COL21A1: variants seen among roughly 807,000 people sequenced by gnomAD.
COL21A1 encodes collagen alpha-1(XXI) chain.
COL21A1 carries 149 observed loss-of-function variants against 137.9 expected under a neutral mutation model. The ratio of observed to expected loss-of-function variants is 1.08; its 90% confidence interval spans 0.95 to 1.24. COL21A1 has a LOEUF of 1.24. Ranked by LOEUF, COL21A1 falls within the 50% of genes most tolerant of loss-of-function variation. The probability of loss-of-function intolerance (pLI) is 0.00; values close to 1 mark genes in which losing one functional copy is unlikely to be tolerated. For missense variants in COL21A1, 1,167 were observed against 1,158.4 expected (o/e 1.01, Z -0.11); for synonymous variants, 456 against 391.5 (o/e 1.16, Z -1.95).
intron 1 of COL21A1, among the ~76,000 whole-genome samples, chr6:56,288,260 A>C (rs565416933): frequency 6.6e-6 from 1 of 152,190 alleles, no homozygotes; most frequent in East Asian, 1.9e-4. Context: ...AAAAGAAAAA[A>C]AAAAGGAAAT....
chr6:56,257,857 T>C (rs1763143510), intron 1 of COL21A1, among the ~76,000 whole-genome samples: 1 of 152,178 alleles, frequency 6.6e-6, no homozygotes, highest in African/African-American at 2.4e-5. Flanking sequence ...CCGGTCAGAT[T>C]TGTCAACCCT....
chr6:56,182,709 C>T, intron 1 of COL21A1, 53 bp from the exon 2 acceptor site: 1 of 741,676 alleles, frequency 1.3e-6, no homozygotes, highest in East Asian at 2.7e-5. Flanking sequence ...CAACATCTAG[C>T]CATTATACAT....
At position 56,093,363 on chromosome 6, in the gene COL21A1, A is replaced by T. The variant is rs143121165; in HGVS notation, c.1812+8109T>A. On this transcript the variant is annotated intron_variant, in intron 17 of 29. Coordinates refer to ENST00000244728, the MANE Select transcript of COL21A1 (RefSeq NM_030820.4). ...AATTAATAAATCGCTCTGAAGTCCT[A>T]AATCTTGTTATCTAAATCAGGTATG... Among the ~76,000 whole-genome samples, 351 of 152,286 alleles carry T rather than the reference A, an allele frequency of 2.3e-3. 2 individuals carry two copies. The highest frequency in any genetic ancestry group is 0.018 in the East Asian group (92 of 5,188).
intron 2 of COL21A1, among the ~76,000 whole-genome samples, chr6:56,181,399 G>GTT (rs141961710): frequency 1.2e-4 from 18 of 145,924 alleles, no homozygotes; most frequent in Admixed American, 2.0e-4. Flanking sequence ...TTTGTTTTTT[G>GTT]TTTTTTTTTT....
rs201203132 is a variant in COL21A1 at position 56,060,767 on chromosome 6, C to G, written c.2381G>C (p.Arg794Pro). Residue 794 changes from arginine (R) to proline (P), a missense_variant, in exon 27 of 30, where the codon CGA (arginine) becomes CCA (proline). By Grantham distance (103) the Arg-to-Pro change is moderately radical (BLOSUM62 -2). Coordinates refer to ENST00000244728, the MANE Select transcript of COL21A1 (RefSeq NM_030820.4). ...PGREFSEQFIRQVCTDVIRAQ... is the reference protein window; with the variant it reads ...PGREFSEQFIPQVCTDVIRAQ... ...TCTTATTACATCTGTGCAAACTTGT[C>G]GAATAAATTGTTCTGAAAACTCTCT... The G allele has an allele frequency of 1.2e-6, 2 of 1,609,750 alleles. No homozygotes were observed. The highest frequency in any genetic ancestry group is 1.7e-6 in the Non-Finnish European group (2 of 1,178,824).
rs187410130 is a variant in COL21A1, at chr6:56,170,661, G to T, written c.1014C>A (p.Asn338Lys). 4.5e-5 allele frequency: 72 copies of T among 1,591,778 alleles called. No individual in the cohort carries two copies. In the East Asian group the frequency reaches 1.1e-3, roughly 25 times the overall value. The change falls in exon 5 of 30, where the codon AAC becomes AAA. Residue 338 changes from asparagine (N) to lysine (K), a missense_variant. Transcript: ENST00000244728. ...CAGGCATCTTTACCTTAACTTGAGGGTTAGCAAAGGTAACCACTTGTGAGC... is the reference window on the plus strand; with the variant it reads ...CAGGCATCTTTACCTTAACTTGAGGTTTAGCAAAGGTAACCACTTGTGAGC... ...INGSQVVTFA[N>K]PQVKTLFDEG...
chr6:56,390,818 T>A (rs763799058), intron 1 of COL21A1, among the ~76,000 whole-genome samples: 1 of 152,102 alleles, frequency 6.6e-6, no homozygotes, highest in African/African-American at 2.4e-5. Context: ...CATACAGATA[T>A]GTAAAGCAAA....
intron 8 of COL21A1, 51 bp downstream of exon 8, chr6:56,164,763 G>A (rs934435785): frequency 1.4e-6 from 2 of 1,463,398 alleles, no homozygotes; most frequent in Non-Finnish European, 1.9e-6. Context: ...GAGCTAAGTG[G>A]TCCCACAATA....
At chr6:56,136,794 T>C (rs1774038309) in intron 12 of COL21A1, among the ~76,000 whole-genome samples, 1 of 152,282 alleles carries the variant, frequency 6.6e-6, no homozygotes, top group East Asian at 1.9e-4. Context: ...CTGCAATACA[T>C]TTTGCAATTT....
intron 1 of COL21A1, among the ~76,000 whole-genome samples, chr6:56,256,872 G>A (rs1562027122): frequency 1.3e-5 from 2 of 151,418 alleles, no homozygotes; most frequent in Non-Finnish European, 3.0e-5. Flanking sequence ...AAATGAGCAT[G>A]GGCAGGTTCA....
intron 3 of COL21A1, among the ~76,000 whole-genome samples, chr6:56,176,938 G>A (rs1048590320): frequency 6.7e-6 from 1 of 148,834 alleles, no homozygotes; most frequent in Non-Finnish European, 1.5e-5. Context: ...GAGGAGGAAG[G>A]AGGAGGAGGG....
chr6:56,087,720 C>A (rs1223905608), intron 17 of COL21A1, among the ~76,000 whole-genome samples: 1 of 152,170 alleles, frequency 6.6e-6, no homozygotes, highest in South Asian at 2.1e-4. Context: ...TACAGTTAGC[C>A]TATCCTTTCC....
chr6:56,196,127 C>T (rs1053564689), intron 1 of COL21A1, among the ~76,000 whole-genome samples: 1 of 152,082 alleles, frequency 6.6e-6, no homozygotes, highest in South Asian at 2.1e-4. Context: ...ATACGATCAT[C>T]TAAATACATA....
rs1782047803 is a variant in COL21A1 at position 56,238,399 on chromosome 6, C to G, written c.-39+8988G>C. ...AGCATGAAGGCACCTGCTGAGAAGG[C>G]AGTGGATGCTGAAACTCGGGGCAGT... On this transcript the variant is annotated intron_variant, in intron 1 of 29. Coordinates refer to ENST00000244728, the MANE Select transcript of COL21A1 (RefSeq NM_030820.4). Among the ~76,000 whole-genome samples, 4 of 141,988 alleles carry G rather than the reference C, an allele frequency of 2.8e-5. No homozygotes were observed. In the Admixed American group the frequency reaches 3.0e-4, roughly 11 times the overall value. 93.1% of individuals were successfully genotyped at this position (141,988 alleles called of 152,430 possible). A position where few individuals can be genotyped will look rare whatever the true frequency, so the allele number is the denominator to read the frequency against.
chr6:56,200,144 A>C (rs1157236754), intron 1 of COL21A1, among the ~76,000 whole-genome samples: 1 of 152,168 alleles, frequency 6.6e-6, no homozygotes, highest in African/African-American at 2.4e-5. Flanking sequence ...TCCCAGGAAC[A>C]GAAAGGTCAG....
intron 2 of COL21A1, among the ~76,000 whole-genome samples, chr6:56,181,519 C>G (rs1349204132): frequency 6.6e-6 from 1 of 151,968 alleles, no homozygotes; most frequent in African/African-American, 2.4e-5. Flanking sequence ...TGTGTGCCAC[C>G]TGATTCAGTG....
At chr6:56,280,250 T>A (rs1295057101) in intron 1 of COL21A1, among the ~76,000 whole-genome samples, 4 of 152,230 alleles carry the variant, frequency 2.6e-5, no homozygotes, top group African/African-American at 4.8e-5. Context: ...GCTAATATCA[T>A]TCCTTCAACA....
At chr6:56,212,237 T>A (rs796130594) in intron 1 of COL21A1, among the ~76,000 whole-genome samples, 20 of 152,190 alleles carry the variant, frequency 1.3e-4, no homozygotes, top group African/African-American at 4.8e-4. Context: ...TTTTTAAAGT[T>A]TGGATCATTA....
intron 29 of COL21A1, 92 bp from the exon 30 acceptor site, chr6:56,057,936 A>C: frequency 1.1e-6 from 1 of 875,780 alleles, no homozygotes; most frequent in Non-Finnish European, 1.7e-6. Flanking sequence ...CTGAAAAAAA[A>C]AACCTTGAAT....
Sources: gnomAD v4.1 joint callset for allele counts (sites outside exome capture counted in the v4.1 genomes callset) on GRCh38, gnomAD v4.1.1 for gene constraint, MANE v1.5 for transcripts, NCBI Gene and HGNC (gene_info 2026-07-23, HGNC 2026-07-21) for gene names.